The following MACF1 variants were observed in gnomAD, a reference collection of about 807,000 sequenced individuals.
MACF1 encodes microtubule-actin cross-linking factor 1.
MACF1 carries 193 observed loss-of-function variants against 854.8 expected under a neutral mutation model. The ratio of observed to expected loss-of-function variants is 0.23; its 90% confidence interval spans 0.20 to 0.25. MACF1 has a LOEUF of 0.25. Ranked by LOEUF, MACF1 falls within the 10% of genes least tolerant of loss-of-function variation. The pLI is 1.00. For synonymous variants in MACF1, 3,185 were observed against 3,226.7 expected (o/e 0.99, Z 0.44); for missense variants, 7,722 against 8,929.1 (o/e 0.86, Z 5.45).
chr1:39,151,921 A>G (rs1177254237), intron 2 of MACF1, among the ~76,000 whole-genome samples: 1 of 152,158 alleles, frequency 6.6e-6, no homozygotes, highest in East Asian at 1.9e-4. Flanking sequence ...GTTCAGTGGC[A>G]GTACTGGGAT....
At chr1:39,429,763 G>A (rs942791789) in intron 64 of MACF1, 64 bp from the exon 65 acceptor site, 123 of 1,472,278 alleles carry the variant, frequency 8.4e-5, no homozygotes, top group Middle Eastern at 2.0e-4. Context: ...TTGAAGAAAG[G>A]GGATCAGAGA....
Position 39,285,176 on chromosome 1 carries a change from G to A in MACF1, c.1225G>A (p.Glu409Lys). The A allele has an allele frequency of 1.2e-6, 2 of 1,614,200 alleles. No homozygotes were observed. Among genetic ancestry groups the A allele is most frequent in the East Asian group, 4.5e-5 (2 of 44,888 alleles). Residue 409 changes from glutamate to lysine, a missense_variant, in exon 12 of 101, where the codon GAA (glutamate) becomes AAA (lysine). Physicochemically the swap from Glu to Lys is moderately conservative, Grantham distance 56. This residue lies in a region of MACF1 where 1,137 missense variants were observed against 1,263.0 expected (regional missense o/e 0.90). Coordinates refer to ENST00000564288, the MANE Select transcript of MACF1 (RefSeq NM_001394062.1). The stretch of plus-strand genomic sequence containing the variant: ...GGGAAAGCTCATCATAGAGATGCTG[G>A]AACGAGAGAAATCACTTCGGCCGGC... Reference protein sequence around the residue: ...EWGKLIIEMLEREKSLRPAVE... With the variant: ...EWGKLIIEMLKREKSLRPAVE...
chr1:39,241,536 T>C (rs1644922952), intron 2 of MACF1, among the ~76,000 whole-genome samples: 2 of 151,728 alleles, frequency 1.3e-5, no homozygotes, highest in Non-Finnish European at 2.9e-5. Flanking sequence ...GATGCATGCC[T>C]GTAATACCAA....
intron 94 of MACF1, 96 bp downstream of exon 94, chr1:39,463,782 CG>C (rs1287511471): frequency 1.7e-5 from 18 of 1,074,372 alleles, no homozygotes; most frequent in Middle Eastern, 2.0e-4. Context: ...CAGAGCCCAT[CG>C]GACTTGAGAT....
At chr1:39,307,575 GATT>G (rs540625584) in intron 23 of MACF1, among the ~76,000 whole-genome samples, 4 of 151,904 alleles carry the variant, frequency 2.6e-5, no homozygotes, top group Non-Finnish European at 4.4e-5. Flanking sequence ...GGATGATGAT[GATT>G]ATTATTATTA....
At chr1:39,198,280 G>A (rs574412014) in intron 2 of MACF1, among the ~76,000 whole-genome samples, 51 of 151,882 alleles carry the variant, frequency 3.4e-4, no homozygotes, top group African/African-American at 1.2e-3. Flanking sequence ...AGGCCCAGGC[G>A]GATGGATCAC....
At chr1:39,202,055 C>T (rs188369040), upstream of MACF1, among the ~76,000 whole-genome samples, 1 of 145,008 alleles carries the variant, frequency 6.9e-6, no homozygotes, top group Admixed American at 6.9e-5. Context: ...CAAGCTCTGC[C>T]TCCCGGGTTC....
At chr1:39,231,753 C>T (rs1168467316) in intron 2 of MACF1, among the ~76,000 whole-genome samples, 7 of 151,588 alleles carry the variant, frequency 4.6e-5, no homozygotes, top group Non-Finnish European at 1.0e-4. Context: ...CTATGTTGCC[C>T]ACTCTGGTAT....
At chr1:39,180,891 ACT>A (rs1450388950) in intron 2 of MACF1, among the ~76,000 whole-genome samples, 1 of 151,718 alleles carries the variant, frequency 6.6e-6, no homozygotes, top group East Asian at 1.9e-4. Flanking sequence ...TACAAAAGAC[ACT>A]CTGTTACTTT....
At chr1:39,365,659 T>G (rs583050) in intron 49 of MACF1, among the ~76,000 whole-genome samples, 19,883 of 152,072 alleles carry the variant, frequency 0.13, 2,552 homozygotes, top group African/African-American at 0.33. Flanking sequence ...TCTTTGAGTC[T>G]ATTTCTGGAT....
intron 6 of MACF1, among the ~76,000 whole-genome samples, chr1:39,275,829 T>G (rs752142923): frequency 3.3e-5 from 5 of 152,170 alleles, no homozygotes; most frequent in Admixed American, 2.0e-4. Context: ...AACACCTTCT[T>G]TATCTCTGTT....
In MACF1 at chr1:39,356,508, G is replaced by A. The variant is rs564044998; in HGVS notation, c.11425-867G>A. ...CTGCCTCAGCCTCCCAAGTAGCTGG[G>A]ATTACAGGCACTTGCCACCATGCCC... On this transcript the variant is annotated intron_variant, in intron 44 of 100. Coordinates refer to ENST00000564288, the MANE Select transcript of MACF1 (RefSeq NM_001394062.1). Among the ~76,000 whole-genome samples, 157 of 152,210 alleles carry A rather than the reference G, an allele frequency of 1.0e-3. 1 individual carries two copies. Among genetic ancestry groups the A allele is most frequent in the Non-Finnish European group, 1.9e-3 (130 of 68,014 alleles).
At chr1:39,160,784 T>C (rs1315578849) in intron 2 of MACF1, among the ~76,000 whole-genome samples, 1 of 152,198 alleles carries the variant, frequency 6.6e-6, no homozygotes, top group Non-Finnish European at 1.5e-5. Flanking sequence ...ACCATTGCCT[T>C]TGTCAAATCC....
intron 1 of MACF1, among the ~76,000 whole-genome samples, chr1:39,222,089 C>A (rs12069517): frequency 0.031 from 4,693 of 152,172 alleles, 232 homozygotes; most frequent in African/African-American, 0.11. Flanking sequence ...TGTATACTTA[C>A]ATGTCTCCAA....
At chr1:39,439,829 C>G (rs1235614856) in intron 72 of MACF1, among the ~76,000 whole-genome samples, 1 of 152,102 alleles carries the variant, frequency 6.6e-6, no homozygotes, top group East Asian at 1.9e-4. Context: ...TGGTTCTGAA[C>G]TCCTGACCTC....
intron 1 of MACF1, among the ~76,000 whole-genome samples, chr1:39,213,864 G>A (rs1441307888): frequency 2.6e-5 from 4 of 152,160 alleles, no homozygotes; most frequent in South Asian, 2.1e-4. Flanking sequence ...TAGTCTAGGC[G>A]GGATAAAGTC....
chr1:39,120,096 C>G (rs1448187855), intron 2 of MACF1, among the ~76,000 whole-genome samples: 1 of 151,854 alleles, frequency 6.6e-6, no homozygotes, highest in African/African-American at 2.4e-5. Context: ...ATTGATGAGG[C>G]TGGTCTTGAA....
At chr1:39,440,854 GTAGAGTCT>G (rs1455638958) in intron 72 of MACF1, 141 bp from the exon 73 acceptor site, 7 of 652,550 alleles carry the variant, frequency 1.1e-5, no homozygotes, top group Non-Finnish European at 1.8e-5. Context: ...AAATAACCAT[GTAGAGTCT>G]GAAGCTTTAG....
Position 39,285,712 on chromosome 1 carries a change from A to C in MACF1, c.1462A>C (p.Ile488Leu), listed in dbSNP as rs1303808180. 1 of 1,614,098 alleles carries C rather than the reference A, an allele frequency of 6.2e-7. No homozygotes were observed. The highest frequency in any genetic ancestry group is 1.1e-5 in the South Asian group (1 of 91,076). Residue 488 changes from isoleucine (I) to leucine (L), a missense_variant, in exon 14 of 101, where the codon ATC becomes CTC. By Grantham distance (5) the Ile-to-Leu change is conservative. Coordinates refer to ENST00000564288, the MANE Select transcript of MACF1 (RefSeq NM_001394062.1). Reference protein sequence around the residue: ...LIRQLQVDLQILRDENYYQLE... With the variant: ...LIRQLQVDLQLLRDENYYQLE... ...CAGGCAGCTGCAGGTGGATCTCCAG[A>C]TCCTGCGGGATGAGAATTACTACCA... is the stretch of plus-strand genomic sequence containing the variant.
Sources: allele counts gnomAD v4.1 joint callset (sites outside exome capture counted in the v4.1 genomes callset), GRCh38; gene constraint gnomAD v4.1.1; regional missense constraint gnomAD v4.1.1; transcripts MANE v1.5; gene names NCBI Gene and HGNC (gene_info 2026-07-23, HGNC 2026-07-21).